KIF18A: variants seen among roughly 807,000 people sequenced by gnomAD.
KIF18A encodes the protein kinesin-like protein KIF18A.
KIF18A carries 67 observed loss-of-function variants against 103.3 expected under a neutral mutation model. The observed-to-expected ratio is 0.65, with a 90% CI of 0.53 to 0.79. The LOEUF (loss-of-function observed/expected upper bound fraction) is 0.79. Among genes scored for constraint, KIF18A ranks in the 30% least tolerant of loss-of-function variants. The pLI is 0.00. For synonymous variants in KIF18A, 367 were observed against 355.5 expected, an observed-to-expected ratio of 1.03 and a Z score of -0.36; for missense variants, 1,032 against 1,062.5, an observed-to-expected ratio of 0.97 and a Z score of 0.40.
intron 15 of KIF18A, among the ~76,000 whole-genome samples, chr11:28,030,290 G>A (rs1384597081): frequency 6.6e-6 from 1 of 151,666 alleles, no homozygotes; most frequent in Non-Finnish European, 1.5e-5. Context: ...ATACTACAAG[G>A]CTACAGTAAC....
chr11:28,031,236 T>C (rs1161653469), intron 15 of KIF18A, among the ~76,000 whole-genome samples: 1 of 152,166 alleles, frequency 6.6e-6, no homozygotes, highest in East Asian at 1.9e-4. Flanking sequence ...TGCACACGTA[T>C]GTTTATTGCG....
At chr11:28,055,750 T>C (rs1850772362) in intron 13 of KIF18A, among the ~76,000 whole-genome samples, 1 of 152,278 alleles carries the variant, frequency 6.6e-6, no homozygotes, top group Middle Eastern at 3.4e-3. Flanking sequence ...CATGATCAGA[T>C]GCATCAAAAT....
intron 15 of KIF18A, among the ~76,000 whole-genome samples, chr11:28,024,975 A>T (rs2133482545): frequency 6.6e-6 from 1 of 152,224 alleles, no homozygotes; most frequent in African/African-American, 2.4e-5. Context: ...GATAAAGTTT[A>T]AATTATAAAT....
At chr11:28,091,651 C>CCTG in intron 3 of KIF18A, 138 bp from the exon 4 acceptor site, 1 of 485,548 alleles carries the variant, frequency 2.1e-6, no homozygotes, top group Non-Finnish European at 3.6e-6. Flanking sequence ...CACCTCATAC[C>CCTG]TTCGATCTCA....
At chr11:28,092,345 A>G (rs978827226) in intron 3 of KIF18A, among the ~76,000 whole-genome samples, 6 of 152,146 alleles carry the variant, frequency 3.9e-5, no homozygotes, top group African/African-American at 1.4e-4. Context: ...TTTGACATAT[A>G]ATTACTAATA....
At chr11:28,047,269 T>G (rs1221101713) in intron 13 of KIF18A, among the ~76,000 whole-genome samples, 1 of 152,030 alleles carries the variant, frequency 6.6e-6, no homozygotes, top group Non-Finnish European at 1.5e-5. Flanking sequence ...AATGCTTGGT[T>G]TTAGTCCATC....
intron 7 of KIF18A, among the ~76,000 whole-genome samples, chr11:28,083,915 G>C (rs561431883): frequency 1.3e-5 from 2 of 152,172 alleles, no homozygotes; most frequent in Non-Finnish European, 2.9e-5. Flanking sequence ...CTCATCTTCA[G>C]ACACTTAAGG....
intron 13 of KIF18A, among the ~76,000 whole-genome samples, chr11:28,047,251 T>G (rs1185050094): frequency 6.6e-6 from 1 of 151,984 alleles, no homozygotes; most frequent in Non-Finnish European, 1.5e-5. Flanking sequence ...CCAAATAATT[T>G]GAAACCAAAT....
At position 28,028,502 on chromosome 11, in the gene KIF18A, C is replaced by T. The variant is rs564440700; in HGVS notation, c.2505-4652G>A. Among the ~76,000 whole-genome samples the T allele has an allele frequency of 2.0e-5, 3 of 151,972 alleles. No homozygotes were observed. The South Asian group carries it at 6.2e-4, about 32-fold the overall frequency. ...CAACGAGAACAAAGACATGACATAC[C>T]AGAATCTCTGGGACACATTTAAAGC... On this transcript the variant is annotated intron_variant, in intron 15 of 16. Transcript: ENST00000263181.
chr11:28,048,867 C>T (rs1013631078), intron 13 of KIF18A, among the ~76,000 whole-genome samples: 2 of 152,022 alleles, frequency 1.3e-5, no homozygotes, highest in African/African-American at 4.8e-5. Flanking sequence ...AGAAAACAAG[C>T]ATTTGAAATT....
intron 6 of KIF18A, among the ~76,000 whole-genome samples, chr11:28,087,219 C>T (rs1022315650): frequency 2.0e-5 from 3 of 152,098 alleles, no homozygotes; most frequent in East Asian, 1.9e-4. Context: ...TAATGCTATC[C>T]CTCCCCTAGC....
At chr11:28,069,777 T>A (rs1850987250) in intron 10 of KIF18A, among the ~76,000 whole-genome samples, 1 of 152,068 alleles carries the variant, frequency 6.6e-6, no homozygotes, top group African/African-American at 2.4e-5. Context: ...TTCCATGATC[T>A]CCTTACTCAA....
chr11:28,073,197 A>G (rs1199661509), intron 10 of KIF18A, among the ~76,000 whole-genome samples: 3 of 152,122 alleles, frequency 2.0e-5, no homozygotes, highest in Non-Finnish European at 2.9e-5. Context: ...GTATGGCCAC[A>G]GATCAGTGAA....
At chr11:28,045,058 C>G (rs990901213) in intron 13 of KIF18A, among the ~76,000 whole-genome samples, 2 of 151,952 alleles carry the variant, frequency 1.3e-5, no homozygotes, top group South Asian at 4.1e-4. Context: ...TTCACTATCT[C>G]TCAAATGTGT....
At chr11:28,080,191 T>G (rs1045390646) in intron 9 of KIF18A, among the ~76,000 whole-genome samples, 2 of 152,092 alleles carry the variant, frequency 1.3e-5, no homozygotes, top group Non-Finnish European at 1.5e-5. Context: ...TCCACTATCT[T>G]ATACCTAAGT....
intron 5 of KIF18A, among the ~76,000 whole-genome samples, 199 bp downstream of exon 5, chr11:28,090,418 G>C (rs1313817583): frequency 6.6e-6 from 1 of 152,146 alleles, no homozygotes; most frequent in Non-Finnish European, 1.5e-5. Flanking sequence ...TACAAAGGTA[G>C]AAATTTTGTA....
chr11:28,032,173 A>C (rs539058774), intron 15 of KIF18A, among the ~76,000 whole-genome samples: 1 of 152,004 alleles, frequency 6.6e-6, no homozygotes, highest in African/African-American at 2.4e-5. Flanking sequence ...AAAGAAGTAA[A>C]AGAGCTCCAT....
At chr11:28,028,051 T>A (rs548031929) in intron 15 of KIF18A, among the ~76,000 whole-genome samples, 1 of 152,046 alleles carries the variant, frequency 6.6e-6, no homozygotes, top group Non-Finnish European at 1.5e-5. Flanking sequence ...ATATGCAAAT[T>A]AACCAATGTG....
chr11:28,031,342 C>T (rs1250318047), intron 15 of KIF18A, among the ~76,000 whole-genome samples: 1 of 152,136 alleles, frequency 6.6e-6, no homozygotes, highest in Non-Finnish European at 1.5e-5. Context: ...CCATGGAAGA[C>T]TATGCAGCCA....
Sources: allele counts gnomAD v4.1 joint callset (sites outside exome capture counted in the v4.1 genomes callset), GRCh38; gene constraint gnomAD v4.1.1; transcripts MANE v1.5; gene names NCBI Gene and HGNC (gene_info 2026-07-23, HGNC 2026-07-21).